ADAMTSL1: variants seen among roughly 807,000 people sequenced by gnomAD.
The protein encoded by ADAMTSL1 is ADAMTS like 1, also known as ADAMTS-like protein 1.
A neutral mutation model predicts 201.8 loss-of-function variants in ADAMTSL1; 126 were observed. That is an observed-to-expected ratio of 0.62 (90% CI 0.54 to 0.72). The LOEUF (loss-of-function observed/expected upper bound fraction) is 0.72. ADAMTSL1 is among the 30% of genes least tolerant of loss of function. The probability of loss-of-function intolerance (pLI) is 0.00; values close to 1 mark genes in which losing one functional copy is unlikely to be tolerated. For missense variants in ADAMTSL1, 2,679 were observed against 2,277.8 expected (o/e 1.18, Z -3.59); for synonymous variants, 1,121 against 903.4 (o/e 1.24, Z -4.32).
intron 4 of ADAMTSL1, among the ~76,000 whole-genome samples, chr9:18,612,651 G>T (rs1217449272): frequency 1.3e-5 from 2 of 152,130 alleles, no homozygotes; most frequent in Non-Finnish European, 2.9e-5. Flanking sequence ...ATGGTTCTGG[G>T]ATAACTGTCT....
chr9:18,568,615 C>A (rs765175074), intron 3 of ADAMTSL1, among the ~76,000 whole-genome samples: 1 of 151,952 alleles, frequency 6.6e-6, no homozygotes, highest in Non-Finnish European at 1.5e-5. Context: ...GTTCTAATTG[C>A]GTTTTCTTGC....
At chr9:18,291,021 T>A (rs552812495) in intron 2 of ADAMTSL1, among the ~76,000 whole-genome samples, 1 of 152,220 alleles carries the variant, frequency 6.6e-6, no homozygotes, top group Admixed American at 6.5e-5. Context: ...GACCTTGTGA[T>A]CCGCCCACCT....
chr9:18,322,327 A>G (rs1191058117), intron 2 of ADAMTSL1, among the ~76,000 whole-genome samples: 3 of 152,200 alleles, frequency 2.0e-5, no homozygotes, highest in African/African-American at 7.2e-5. Context: ...TAAAAGATTA[A>G]TAATTTTGTT....
intron 2 of ADAMTSL1, among the ~76,000 whole-genome samples, chr9:18,450,825 TA>T (rs1410977530): frequency 6.6e-6 from 1 of 152,228 alleles, no homozygotes; most frequent in African/African-American, 2.4e-5. Flanking sequence ...TTGTCCACTC[TA>T]CAGTATATCT....
intron 2 of ADAMTSL1, among the ~76,000 whole-genome samples, chr9:18,409,785 A>G (rs2791451): frequency 1 from 149,707 of 149,720 alleles, 74,847 homozygotes; most frequent in Middle Eastern, 1. Context: ...ACATGTTATG[A>G]CTCTCTAGAA....
chr9:18,771,735 G>GTTTTTTTTTTTTA (rs754025785), intron 17 of ADAMTSL1, among the ~76,000 whole-genome samples: 1 of 116,632 alleles, frequency 8.6e-6, no homozygotes, highest in Admixed American at 9.7e-5. Context: ...TTTTTTTTTG[G>GTTTTTTTTTTTTA]ATAGTATACA....
rs953880505 is a variant in ADAMTSL1, at chr9:18,071,998, A to G, written c.88-91864A>G. ...AGCTTAATGGTTCCAAGCTCTTGACAGTGCCAGAACCTTTCTAAGGCTCTT... is the reference window on the plus strand; with the variant it reads ...AGCTTAATGGTTCCAAGCTCTTGACGGTGCCAGAACCTTTCTAAGGCTCTT... On this transcript the variant is annotated intron_variant, in intron 1 of 29. Transcript: ENST00000680146. Among the ~76,000 whole-genome samples, 95 of 152,324 alleles carry G rather than the reference A, an allele frequency of 6.2e-4. 1 individual carries two copies. The highest frequency in any genetic ancestry group is 2.2e-3 in the African/African-American group (92 of 41,574).
At chr9:18,017,760 A>C (rs140658041) in intron 1 of ADAMTSL1, among the ~76,000 whole-genome samples, 1 of 151,846 alleles carries the variant, frequency 6.6e-6, no homozygotes. Context: ...ATTCCACCCT[A>C]GTTTATGTGG....
chr9:18,861,624 G>C (rs976300280), intron 23 of ADAMTSL1, among the ~76,000 whole-genome samples: 5 of 152,232 alleles, frequency 3.3e-5, no homozygotes, highest in East Asian at 1.9e-4. Context: ...CTGCCCTTCA[G>C]ATGCCCATCA....
intron 2 of ADAMTSL1, among the ~76,000 whole-genome samples, chr9:18,239,056 C>T (rs78892257): frequency 0.02 from 2,996 of 152,186 alleles, 99 homozygotes; most frequent in African/African-American, 0.067. Flanking sequence ...ATGAATATAC[C>T]TTAATTTTAA....
In ADAMTSL1 at chr9:18,753,352, G is replaced by A. The variant is rs943560321; in HGVS notation, c.2061G>A (p.Gln687=). ...PCSLTCGVGL[Q]TRDVFCSHLL... ...GTCTCACATGTGGGGTCGGCCTACAGACCAGAGACGTCTTCTGCAGCCACC... is the reference window on the plus strand; with the variant it reads ...GTCTCACATGTGGGGTCGGCCTACAAACCAGAGACGTCTTCTGCAGCCACC... Residue 687 remains glutamine (Q), a synonymous_variant, in exon 16 of 29, where the codon CAG becomes CAA. Coordinates refer to ENST00000380548, the MANE Select transcript of ADAMTSL1 (RefSeq NM_001040272.6). The A allele has an allele frequency of 1.2e-6, 2 of 1,612,504 alleles. No homozygotes were observed. The highest frequency in any genetic ancestry group is 2.7e-5 in the African/African-American group (2 of 75,024).
chr9:18,316,956 A>T (rs1418253330), intron 2 of ADAMTSL1, among the ~76,000 whole-genome samples: 3 of 152,214 alleles, frequency 2.0e-5, no homozygotes, highest in African/African-American at 7.2e-5. Flanking sequence ...TATTCACAAT[A>T]GCCAAGATAT....
rs541118474 is a variant in ADAMTSL1, at chr9:18,777,000, T to G, written c.2771T>G (p.Val924Gly). 3.7e-6 allele frequency: 6 copies of G among 1,603,108 alleles called. No homozygotes were observed. In the South Asian group the frequency reaches 6.7e-5, roughly 18 times the overall value. The change falls in exon 19 of 29, where the codon GTC becomes GGC. Residue 924 changes from valine to glycine, a missense_variant. Coordinates refer to ENST00000380548, the MANE Select transcript of ADAMTSL1 (RefSeq NM_001040272.6). Reference protein sequence around the residue: ...DGQHLISSTHVTVAPFGYLKI... With the variant: ...DGQHLISSTHGTVAPFGYLKI... ...CAGCACCTCATCAGCTCGACGCACGTCACGGTGGCCCCCTTCGGCTATCTC... is the reference window on the plus strand; with the variant it reads ...CAGCACCTCATCAGCTCGACGCACGGCACGGTGGCCCCCTTCGGCTATCTC...
In ADAMTSL1 at chr9:18,030,321, C is replaced by T. The variant is rs561954027; in HGVS notation, c.87+123399C>T. ...GACAAAAAACCAAACACCACATGTT[C>T]TCACTCATAGGTGGGAATTGAACAA... On this transcript the variant is annotated intron_variant, in intron 1 of 29. Coordinates refer to the ADAMTSL1 transcript ENST00000680146. Among the ~76,000 whole-genome samples, 20 of 152,156 alleles carry T rather than the reference C, an allele frequency of 1.3e-4. No individual in the cohort carries two copies. In the South Asian group the frequency reaches 3.1e-3, roughly 24 times the overall value.
At chr9:18,356,694 A>C (rs1262916710) in intron 2 of ADAMTSL1, among the ~76,000 whole-genome samples, 2 of 151,960 alleles carry the variant, frequency 1.3e-5, no homozygotes, top group Non-Finnish European at 2.9e-5. Context: ...AATCAATAAA[A>C]TTGACATATA....
chr9:18,047,172 C>A (rs1821697469), intron 1 of ADAMTSL1, among the ~76,000 whole-genome samples: 1 of 152,040 alleles, frequency 6.6e-6, no homozygotes, highest in African/African-American at 2.4e-5. Context: ...TAGTTATTTG[C>A]ACACAGAAAA....
intron 1 of ADAMTSL1, among the ~76,000 whole-genome samples, chr9:18,112,434 G>A (rs971513183): frequency 2.6e-5 from 4 of 151,846 alleles, no homozygotes; most frequent in African/African-American, 9.7e-5. Flanking sequence ...GAGGGGCTGA[G>A]ACTCAGTTGC....
chr9:18,655,632 A>T (rs1328028034), intron 7 of ADAMTSL1, among the ~76,000 whole-genome samples: 1 of 151,974 alleles, frequency 6.6e-6, no homozygotes, highest in African/African-American at 2.4e-5. Context: ...AAAACAAACA[A>T]AAAAAGTAAA....
At position 18,236,988 on chromosome 9, in the gene ADAMTSL1, C is replaced by G. The variant is rs61086890; in HGVS notation, c.207+73007C>G. On this transcript the variant is annotated intron_variant, in intron 2 of 29. Transcript: ENST00000680146. ...CAATGTAAGGGGCAGAATCTTTACA[C>G]AGATAACATTTTTCCAGAGCCTGAC... is the stretch of plus-strand genomic sequence containing the variant. Among the ~76,000 whole-genome samples the G allele has an allele frequency of 2.9e-3, 446 of 152,300 alleles. 3 individuals are homozygous for G. Among genetic ancestry groups the G allele is most frequent in the African/African-American group, 1.0e-2 (414 of 41,576 alleles).
Sources: allele counts gnomAD v4.1 joint callset (sites outside exome capture counted in the v4.1 genomes callset), GRCh38; gene constraint gnomAD v4.1.1; transcripts MANE v1.5; gene names NCBI Gene and HGNC (gene_info 2026-07-23, HGNC 2026-07-21).